SBF2: variants seen among roughly 807,000 people sequenced by gnomAD.
The protein encoded by SBF2 is SET binding factor 2.
Under a neutral mutation model 225.2 loss-of-function variants are expected in SBF2, and 112 were observed. That is an observed-to-expected ratio of 0.50 (90% CI 0.43 to 0.58). The LOEUF (loss-of-function observed/expected upper bound fraction) is 0.58. Ranked by LOEUF, SBF2 falls within the 20% of genes least tolerant of loss-of-function variation. The pLI is 0.00. For synonymous variants in SBF2, 763 were observed against 773.3 expected (o/e 0.99, Z 0.22); for missense variants, 1,996 against 2,206.2 (o/e 0.90, Z 1.91).
intron 13 of SBF2, among the ~76,000 whole-genome samples, chr11:9,976,286 C>A (rs971368436): frequency 1.3e-5 from 2 of 152,086 alleles, no homozygotes; most frequent in Non-Finnish European, 2.9e-5. Flanking sequence ...GTTGGGCAGG[C>A]TGGTCTCCAA....
In SBF2 at chr11:9,968,353, C is replaced by G. The variant is rs1867102456; in HGVS notation, c.1588G>C (p.Gly530Arg). Residue 530 changes from glycine to arginine, a missense_variant, in exon 14 of 40, where the codon GGT (glycine) becomes CGT (arginine). Transcript: ENST00000256190. The part of the protein sequence containing the change: ...RIEKKCVVPA[G>R]PPVVSIMDKV... Reference sequence around the variant, plus strand: ...GACAAATACATACCAACAGGTGGACCTGCTGGCACAACACATTTCTTTTCT... The same window carrying G: ...GACAAATACATACCAACAGGTGGACGTGCTGGCACAACACATTTCTTTTCT... 1.2e-6 allele frequency: 2 copies of G among 1,614,066 alleles called. No homozygotes were observed. Among genetic ancestry groups the G allele is most frequent in the Non-Finnish European group, 8.5e-7 (1 of 1,179,976 alleles).
intron 30 of SBF2, chr11:9,810,755 T>C (rs1307057670): frequency 6.6e-6 from 1 of 152,220 alleles, no homozygotes; most frequent in African/African-American, 2.4e-5. Flanking sequence ...GTATATACAT[T>C]TCTGGTGGGA....
chr11:9,998,887 C>G (rs977251303), intron 8 of SBF2, among the ~76,000 whole-genome samples: 1 of 152,142 alleles, frequency 6.6e-6, no homozygotes, highest in African/African-American at 2.4e-5. Context: ...TGAGCCATTG[C>G]ATTTTGTTCT....
chr11:9,870,675 C>T (rs1014426487), intron 17 of SBF2, among the ~76,000 whole-genome samples: 1 of 152,012 alleles, frequency 6.6e-6, no homozygotes, highest in South Asian at 2.1e-4. Context: ...TTCCTTACAC[C>T]TTATACAAAA....
At chr11:9,980,073 C>A (rs112291856) in intron 13 of SBF2, among the ~76,000 whole-genome samples, 1 of 149,704 alleles carries the variant, frequency 6.7e-6, no homozygotes, top group African/African-American at 2.5e-5. Context: ...CTCTGCCTCC[C>A]GGGTTCAAGC....
intron 14 of SBF2, among the ~76,000 whole-genome samples, chr11:9,967,967 C>CTA (rs1158496220): frequency 2.9e-4 from 26 of 90,690 alleles, no homozygotes; most frequent in African/African-American, 7.8e-4. Flanking sequence ...CTCTCTCTCT[C>CTA]TCTCTATATA....
intron 1 of SBF2, among the ~76,000 whole-genome samples, chr11:10,199,597 G>A (rs1344082229): frequency 6.6e-6 from 1 of 152,208 alleles, no homozygotes; most frequent in Non-Finnish European, 1.5e-5. Flanking sequence ...ACCAAAGTAT[G>A]TCTGTCTATA....
In SBF2 at chr11:10,022,726, AGTTT is replaced by A. The variant is rs529255263; in HGVS notation, c.619+5722_619+5725del. On this transcript the variant is annotated intron_variant, in intron 6 of 39. Coordinates refer to ENST00000256190, the MANE Select transcript of SBF2 (RefSeq NM_030962.4). ...CCAAAAGTACATCCGTAGACACTAT[AGTTT>A]AGTCTCACTCTATTAAAAAGTTGGA... Among the ~76,000 whole-genome samples the A allele has an allele frequency of 4.1e-4, 63 of 152,190 alleles. 1 individual carries two copies. The highest frequency in any genetic ancestry group is 6.8e-3 in the Middle Eastern group (2 of 294).
chr11:10,170,003 C>G (rs569133930), intron 2 of SBF2, among the ~76,000 whole-genome samples: 1 of 152,282 alleles, frequency 6.6e-6, no homozygotes, highest in East Asian at 1.9e-4. Flanking sequence ...CTATTCAGAT[C>G]TTTTGCCCAG....
intron 2 of SBF2, among the ~76,000 whole-genome samples, chr11:10,097,862 T>TCTACAGCTCTGAGAGTCACTGCCTA (rs1482757118): frequency 6.6e-6 from 1 of 152,130 alleles, no homozygotes; most frequent in Non-Finnish European, 1.5e-5. Context: ...GTTCCTGTCT[T>TCTACAGCTCTGAGAGTCACTGCCTA]CTACAGCTCT....
chr11:9,900,262 A>G (rs182259949), intron 16 of SBF2, among the ~76,000 whole-genome samples: 5 of 152,306 alleles, frequency 3.3e-5, no homozygotes, highest in African/African-American at 4.8e-5. Flanking sequence ...TAAAGAATCA[A>G]TATGTCAGTA....
At chr11:10,213,192 T>A (rs546329098) in intron 1 of SBF2, among the ~76,000 whole-genome samples, 2 of 152,336 alleles carry the variant, frequency 1.3e-5, no homozygotes, top group Non-Finnish European at 2.9e-5. Flanking sequence ...GATGCCAGCA[T>A]TTCTCTCACT....
At chr11:9,942,394 T>C (rs1865307741) in intron 16 of SBF2, among the ~76,000 whole-genome samples, 1 of 152,206 alleles carries the variant, frequency 6.6e-6, no homozygotes, top group South Asian at 2.1e-4. Context: ...AGATGTACAA[T>C]ACTATGTTTA....
At chr11:10,247,077 T>C (rs1231702019) in intron 1 of SBF2, among the ~76,000 whole-genome samples, 1 of 152,084 alleles carries the variant, frequency 6.6e-6, no homozygotes, top group South Asian at 2.1e-4. Flanking sequence ...TAAGACCCTG[T>C]CTTTAAAAAA....
chr11:10,174,806 G>A (rs1346153419), intron 2 of SBF2, among the ~76,000 whole-genome samples: 4 of 151,884 alleles, frequency 2.6e-5, no homozygotes, highest in African/African-American at 7.3e-5. Flanking sequence ...GACTAACAGC[G>A]GATCTCTCGG....
At chr11:10,096,487 T>C (rs1952032625) in intron 2 of SBF2, among the ~76,000 whole-genome samples, 1 of 151,364 alleles carries the variant, frequency 6.6e-6, no homozygotes, top group Non-Finnish European at 1.5e-5. Context: ...TATTACTTTA[T>C]CAGGAATCAG....
intron 2 of SBF2, among the ~76,000 whole-genome samples, chr11:10,143,074 G>A (rs535133267): frequency 6.6e-6 from 1 of 152,200 alleles, no homozygotes; most frequent in East Asian, 1.9e-4. Flanking sequence ...TTAAATTATT[G>A]CCAATTCTAC....
intron 16 of SBF2, among the ~76,000 whole-genome samples, chr11:9,908,834 G>A (rs1590402152): frequency 6.7e-6 from 1 of 148,284 alleles, no homozygotes; most frequent in Admixed American, 6.8e-5. Flanking sequence ...ACAGGCATGT[G>A]CCACTGCGCA....
intron 1 of SBF2, among the ~76,000 whole-genome samples, chr11:10,218,320 AC>A (rs57770393): frequency 0.52 from 39,821 of 76,934 alleles, 7,663 homozygotes; most frequent in East Asian, 0.64. Context: ...GGAAAGACCC[AC>A]CCCCCCCCCC....
Sources: gnomAD v4.1 joint callset for allele counts (sites outside exome capture counted in the v4.1 genomes callset) on GRCh38, gnomAD v4.1.1 for gene constraint, MANE v1.5 for transcripts, NCBI Gene and HGNC (gene_info 2026-07-23, HGNC 2026-07-21) for gene names.